WDR17: variants seen among roughly 807,000 people sequenced by gnomAD.
The protein encoded by WDR17 is WD repeat domain 17.
Under a neutral mutation model 161.7 loss-of-function variants are expected in WDR17, and 143 were observed. The ratio of observed to expected loss-of-function variants is 0.88; its 90% CI spans 0.77 to 1.02. The LOEUF (loss-of-function observed/expected upper bound fraction) is 1.02, where lower values mean the gene tolerates loss of function less well. Among genes scored for constraint, WDR17 ranks in the 50% least tolerant of loss-of-function variants. The probability of loss-of-function intolerance (pLI) is 0.00; values close to 1 mark genes in which losing one functional copy is unlikely to be tolerated. For missense variants in WDR17, 1,469 were observed against 1,520.9 expected (o/e 0.97, Z 0.57); for synonymous variants, 517 against 515.6 (o/e 1.00, Z -0.04).
intron 1 of WDR17, among the ~76,000 whole-genome samples, chr4:176,103,944 GAAAT>G (rs1738250395): frequency 2.6e-5 from 4 of 152,092 alleles, no homozygotes; most frequent in Admixed American, 2.0e-4. Context: ...AATTTGAACT[GAAAT>G]AGACACACAT....
rs944791464 is a variant in WDR17, at chr4:176,181,996, C to A, written c.*2417C>A. ...TAATTTTTCATAGAATTATAAATGTCATTTGACTATGTCAATCTGTATATA... is the reference window on the plus strand; with the variant it reads ...TAATTTTTCATAGAATTATAAATGTAATTTGACTATGTCAATCTGTATATA... On this transcript the variant is annotated 3_prime_UTR_variant, in exon 29 of 29. Coordinates refer to ENST00000508596, the MANE Select transcript of WDR17 (RefSeq NM_181265.4). 1 of 151,940 alleles carries A rather than the reference C, an allele frequency of 6.6e-6. No homozygotes were observed. Among genetic ancestry groups the A allele is most frequent in the Non-Finnish European group, 1.5e-5 (1 of 67,926 alleles). The allele number at this position is 151,940 out of a possible 1,614,324, so 9.4% of individuals were successfully genotyped here. A position where few individuals can be genotyped will look rare whatever the true frequency, so the allele number is the denominator to read the frequency against.
intron 2 of WDR17, 121 bp downstream of exon 2, chr4:176,111,824 T>C (rs1266303139): frequency 2.0e-6 from 2 of 1,000,512 alleles, no homozygotes; most frequent in Non-Finnish European, 2.6e-6. Flanking sequence ...TATATTTATA[T>C]TTTTAAAGTT....
chr4:176,097,006 C>T (rs1001879190), intron 1 of WDR17, among the ~76,000 whole-genome samples: 1 of 151,826 alleles, frequency 6.6e-6, no homozygotes, highest in Admixed American at 6.6e-5. Context: ...GAAAACAATT[C>T]TGAAGAAGAG....
chr4:176,111,920 A>T lies in WDR17; in HGVS notation c.123+217A>T, dbSNP rs1267892345. Among the ~76,000 whole-genome samples the T allele has an allele frequency of 2.0e-5, 3 of 152,184 alleles. No homozygotes were observed. The East Asian group carries it at 5.8e-4, about 29-fold the overall frequency. Reference sequence around the variant, plus strand: ...AATGATTAGTAAATTTGATATAAGAAAATTCTTTTTTCAGTTGAAGAATTT... The same window carrying T: ...AATGATTAGTAAATTTGATATAAGATAATTCTTTTTTCAGTTGAAGAATTT... On this transcript the variant is annotated intron_variant, in intron 2 of 28. Transcript: ENST00000508596.
At chr4:176,176,430 T>C (rs72706357) in intron 26 of WDR17, among the ~76,000 whole-genome samples, 57,016 of 151,874 alleles carry the variant, frequency 0.38, 11,478 homozygotes, top group East Asian at 0.6. Context: ...CTTCCCTTTT[T>C]CCTCCTCTCC....
intron 1 of WDR17, among the ~76,000 whole-genome samples, chr4:176,109,674 C>A (rs1739384380): frequency 1.3e-5 from 2 of 152,082 alleles, no homozygotes; most frequent in Admixed American, 6.6e-5. Context: ...AGTTAGTGAT[C>A]TATGGGAGAA....
In WDR17 at chr4:176,133,521, G is replaced by A. The variant is rs139558347; in HGVS notation, c.1099-1587G>A. On this transcript the variant is annotated intron_variant, in intron 7 of 28. Coordinates refer to ENST00000508596, the MANE Select transcript of WDR17 (RefSeq NM_181265.4). ...TTAATTTATAATTCTAATAAATGCC[G>A]AATACTAAATACTAAAAGCCGCTTG... 8.6e-5 allele frequency among the ~76,000 whole-genome samples: 13 copies of A among 150,982 alleles called. No homozygotes were observed. The East Asian group carries it at 9.7e-4, about 11-fold the overall frequency.
chr4:176,112,984 C>G lies in WDR17; in HGVS notation c.123+1281C>G, dbSNP rs185043039. ...ATATAGCATTAATGTATAAAACAAT[C>G]CATTTTCCACGATATAGAGTAAGAT... On this transcript the variant is annotated intron_variant, in intron 2 of 28. Transcript: ENST00000508596. Among the ~76,000 whole-genome samples the G allele has an allele frequency of 5.0e-3, 764 of 152,162 alleles. 4 individuals carry two copies. The highest frequency in any genetic ancestry group is 0.041 in the Middle Eastern group (12 of 294).
At position 176,078,903 on chromosome 4, in the gene WDR17, A is replaced by G. The variant is rs932421326; in HGVS notation, c.-7+12824A>G. 3.3e-5 allele frequency among the ~76,000 whole-genome samples: 5 copies of G among 152,194 alleles called. No individual in the cohort carries two copies. The East Asian group carries it at 9.7e-4, about 29-fold the overall frequency. On this transcript the variant is annotated intron_variant, in intron 1 of 28. Transcript: ENST00000508596. ...AGCATTCAAAGTCCTCTCTCTGGCTATTTGAAAATATATAATAAATTATCG... is the reference window on the plus strand; with the variant it reads ...AGCATTCAAAGTCCTCTCTCTGGCTGTTTGAAAATATATAATAAATTATCG...
intron 6 of WDR17, 151 bp from the exon 7 acceptor site, chr4:176,131,403 A>T (rs1166007339): frequency 1.4e-6 from 1 of 692,346 alleles, no homozygotes; most frequent in East Asian, 3.0e-5. Flanking sequence ...ATTTTTTGGC[A>T]ATCCCAAAGA....
At chr4:176,071,281 A>G (rs1360970576) in intron 1 of WDR17, among the ~76,000 whole-genome samples, 1 of 151,684 alleles carries the variant, frequency 6.6e-6, no homozygotes, top group East Asian at 1.9e-4. Flanking sequence ...AAAAATTCTT[A>G]GTTTATAATT....
At chr4:176,074,183 A>G (rs568240983) in intron 1 of WDR17, among the ~76,000 whole-genome samples, 2 of 151,442 alleles carry the variant, frequency 1.3e-5, no homozygotes, top group Admixed American at 1.3e-4. Flanking sequence ...GCCCATGCCT[A>G]TGTCCTGAAT....
chr4:176,135,083 T>C (rs778498693), intron 7 of WDR17, 25 bp from the exon 8 acceptor site: 5 of 1,607,036 alleles, frequency 3.1e-6, no homozygotes, highest in South Asian at 1.1e-5. Flanking sequence ...TCAATAATTA[T>C]GACTTTTTTA....
At chr4:176,121,352 C>A (rs1481075938) in intron 4 of WDR17, among the ~76,000 whole-genome samples, 1 of 152,134 alleles carries the variant, frequency 6.6e-6, no homozygotes, top group Non-Finnish European at 1.5e-5. Flanking sequence ...TTCTCTGTAA[C>A]CTTTGTCTCC....
At chr4:176,124,850 T>G (rs1742194355) in intron 4 of WDR17, among the ~76,000 whole-genome samples, 1 of 152,224 alleles carries the variant, frequency 6.6e-6, no homozygotes, top group African/African-American at 2.4e-5. Context: ...TCTTACTGCT[T>G]TTCGGTAACA....
intron 1 of WDR17, among the ~76,000 whole-genome samples, chr4:176,091,600 C>A (rs567010855): frequency 6.6e-6 from 1 of 151,984 alleles, no homozygotes; most frequent in African/African-American, 2.4e-5. Flanking sequence ...AAAGCAAGAG[C>A]AAACCAAACC....
At chr4:176,079,620 T>C (rs1239357260) in intron 1 of WDR17, among the ~76,000 whole-genome samples, 3 of 152,112 alleles carry the variant, frequency 2.0e-5, no homozygotes, top group Non-Finnish European at 4.4e-5. Context: ...GAAACATCAG[T>C]TATTCTTTAT....
At chr4:176,069,474 C>T (rs1355685666) in intron 1 of WDR17, among the ~76,000 whole-genome samples, 4 of 152,036 alleles carry the variant, frequency 2.6e-5, no homozygotes, top group East Asian at 1.9e-4. Flanking sequence ...TTGTCATGTT[C>T]GGATAAATTG....
At chr4:176,130,852 G>T (rs1167133915) in intron 6 of WDR17, among the ~76,000 whole-genome samples, 6 of 151,818 alleles carry the variant, frequency 4.0e-5, no homozygotes, top group Non-Finnish European at 7.4e-5. Flanking sequence ...GATTATGTTT[G>T]CAAGAAAATA....
Sources: gnomAD v4.1 joint callset for allele counts (sites outside exome capture counted in the v4.1 genomes callset) on GRCh38, gnomAD v4.1.1 for gene constraint, MANE v1.5 for transcripts, NCBI Gene and HGNC (gene_info 2026-07-23, HGNC 2026-07-21) for gene names.